The following PHF21B variants were observed in gnomAD, a reference collection of about 807,000 sequenced individuals.
PHF21B encodes the protein PHD finger protein 21B.
PHF21B carries 22 observed loss-of-function variants against 62.2 expected under a neutral mutation model. The observed-to-expected ratio is 0.35, with a 90% CI of 0.25 to 0.51. PHF21B has a LOEUF of 0.51. PHF21B is among the 20% of genes least tolerant of loss of function. PHF21B has a pLI of 0.97. For synonymous variants in PHF21B, 341 were observed against 314.7 expected (o/e 1.08, Z -0.88); for missense variants, 701 against 707.9 (o/e 0.99, Z 0.11).
At chr22:44,893,882 G>A (rs887969255) in intron 6 of PHF21B, among the ~76,000 whole-genome samples, 5 of 152,252 alleles carry the variant, frequency 3.3e-5, no homozygotes, top group African/African-American at 1.2e-4. Context: ...CAGGTTGGGT[G>A]ATACCCACTG....
chr22:44,935,820 A>G (rs190424328), intron 2 of PHF21B, among the ~76,000 whole-genome samples: 2 of 152,224 alleles, frequency 1.3e-5, no homozygotes, highest in African/African-American at 4.8e-5. Flanking sequence ...GAGCAGAGTT[A>G]GCGAGACTAG....
intron 2 of PHF21B, among the ~76,000 whole-genome samples, chr22:44,924,061 A>C: frequency 2.5e-5 from 1 of 39,232 alleles, no homozygotes; most frequent in African/African-American, 1.1e-4. Context: ...AGAGGGAGGG[A>C]GGGAGGGAGG....
At chr22:44,970,347 G>C (rs2072613865) in intron 2 of PHF21B, among the ~76,000 whole-genome samples, 1 of 152,188 alleles carries the variant, frequency 6.6e-6, no homozygotes, top group South Asian at 2.1e-4. Context: ...AGTTCATTCT[G>C]CAAAGCCACT....
At chr22:44,953,808 T>C (rs1210815707) in intron 2 of PHF21B, among the ~76,000 whole-genome samples, 2 of 152,286 alleles carry the variant, frequency 1.3e-5, no homozygotes, top group African/African-American at 2.4e-5. Context: ...CACTAAATAC[T>C]ATTTTAAGCA....
chr22:44,914,036 AG>A lies in PHF21B; in HGVS notation c.616del (p.Leu206SerfsTer78). The A allele has an allele frequency of 1.7e-6, 1 of 572,052 alleles. No homozygotes were observed. Among genetic ancestry groups the A allele is most frequent in the Middle Eastern group, 3.3e-4 (1 of 3,066 alleles). 35.4% of individuals were successfully genotyped at this position (572,052 alleles called of 1,614,324 possible). ...SPHPATHHCP[L>X]HPSSLPLTPP... ...GGTGAGGGGAAGAGAGGAGGGGTGG[AG>A]GGGACAGTGATGGGTTGCGGGGTGA... On this transcript the variant is annotated frameshift_variant, in exon 5 of 13. Coordinates refer to ENST00000313237, the MANE Select transcript of PHF21B (RefSeq NM_138415.5). LOFTEE classifies it high-confidence loss of function.
intron 2 of PHF21B, among the ~76,000 whole-genome samples, chr22:44,983,634 G>T (rs905190293): frequency 2.0e-5 from 3 of 152,138 alleles, no homozygotes; most frequent in African/African-American, 7.2e-5. Flanking sequence ...TATTTTAAAA[G>T]ACATAAGTTT....
At position 44,888,103 on chromosome 22, in the gene PHF21B, C is replaced by T; in HGVS notation, c.1057G>A (p.Glu353Lys). The T allele has an allele frequency of 6.5e-7, 1 of 1,535,136 alleles. No homozygotes were observed. Among genetic ancestry groups the T allele is most frequent in the Non-Finnish European group, 8.8e-7 (1 of 1,139,614 alleles). ...PCWKNEITHD[E>K]HCAACKRGAN... ...CCTCGCTTGCAGGCGGCACAGTGCT[C>T]ATCGTGGGTGATCTCGTTCTGGAAG... Residue 353 changes from glutamate (E) to lysine (K), a missense_variant, in exon 10 of 13, where the codon GAG becomes AAG. By Grantham distance (56) the Glu-to-Lys change is moderately conservative. Transcript: ENST00000313237.
chr22:44,901,775 G>A (rs566426209), intron 5 of PHF21B: 1 of 310,896 alleles, frequency 3.2e-6, no homozygotes, highest in Admixed American at 3.7e-5. Context: ...TTCCAGAAAG[G>A]CCGTGTACAA....
chr22:44,887,987 C>G lies in PHF21B; in HGVS notation c.1173G>C (p.Trp391Cys), dbSNP rs1487574053. 1 of 1,561,986 alleles carries G rather than the reference C, an allele frequency of 6.4e-7. No homozygotes were observed. Among genetic ancestry groups the G allele is most frequent in the Admixed American group, 1.9e-5 (1 of 53,048 alleles). ...PPLKTAPKGV[W>C]VCPRCQQKAL... ...CCTTCTGCTGGCACCTGGGGCACAC[C>G]CACACGCCCTTGGGCGCCGTCTTGA... Residue 391 changes from tryptophan (W) to cysteine (C), a missense_variant, in exon 10 of 13, where the codon TGG (tryptophan) becomes TGC (cysteine). Coordinates refer to ENST00000313237, the MANE Select transcript of PHF21B (RefSeq NM_138415.5).
chr22:44,997,570 T>C (rs75633236), intron 2 of PHF21B, among the ~76,000 whole-genome samples: 2 of 152,186 alleles, frequency 1.3e-5, no homozygotes, highest in African/African-American at 4.8e-5. Flanking sequence ...TATTGCTGAT[T>C]GTAGGAAATG....
chr22:44,943,807 C>T (rs1448101305), intron 2 of PHF21B, among the ~76,000 whole-genome samples: 4 of 152,044 alleles, frequency 2.6e-5, no homozygotes, highest in Non-Finnish European at 5.9e-5. Context: ...GCATCCAGCC[C>T]AGCGGCACCC....
chr22:44,982,524 C>T (rs895002536), intron 2 of PHF21B, among the ~76,000 whole-genome samples: 1 of 152,224 alleles, frequency 6.6e-6, no homozygotes, highest in Non-Finnish European at 1.5e-5. Flanking sequence ...CTCCCCACTC[C>T]TCCACAGGCC....
At chr22:44,994,822 C>T (rs1379268371) in intron 2 of PHF21B, among the ~76,000 whole-genome samples, 5 of 152,330 alleles carry the variant, frequency 3.3e-5, no homozygotes, top group South Asian at 2.1e-4. Flanking sequence ...TCCCCACTTC[C>T]GCAGTATCCA....
rs949691866 is a variant in PHF21B at position 44,882,810 on chromosome 22, C to A, written c.*276G>T. On this transcript the variant is annotated 3_prime_UTR_variant, in exon 13 of 13. Coordinates refer to ENST00000313237, the MANE Select transcript of PHF21B (RefSeq NM_138415.5). ...AGGGCCTGGAAGCCAGAGGCCCAGG[C>A]AGCCCCGAGGTGGCCGGGGGGAGAC... 122 of 393,454 alleles carry A rather than the reference C, an allele frequency of 3.1e-4. No individual in the cohort carries two copies. Among genetic ancestry groups the A allele is most frequent in the Non-Finnish European group, 5.0e-4 (109 of 218,356 alleles). 24.4% of individuals were successfully genotyped at this position (393,454 alleles called of 1,614,324 possible). A position where few individuals can be genotyped will look rare whatever the true frequency, so the allele number is the denominator to read the frequency against.
At position 44,893,518 on chromosome 22, in the gene PHF21B, C is replaced by T. The variant is rs755715084; in HGVS notation, c.899G>A (p.Arg300Gln). ...TGTGCTTCTTCTCTTCCGCTCCTGT[C>T]GCTTGCTCTGGATTTCTGGAAAGGC... ...TEHLEEIQSK[R>Q]QERKRRSTAN... is the part of the protein sequence containing the mutation. Residue 300 changes from arginine to glutamine, a missense_variant, in exon 7 of 13, where the codon CGA (arginine) becomes CAA (glutamine). Coordinates refer to ENST00000313237, the MANE Select transcript of PHF21B (RefSeq NM_138415.5). The T allele has an allele frequency of 3.1e-6, 5 of 1,602,698 alleles. No homozygotes were observed. Among genetic ancestry groups the T allele is most frequent in the South Asian group, 1.1e-5 (1 of 88,680 alleles).
At chr22:44,884,114 CATCACCATCATGATCACCATT>C (rs1188169827) in intron 12 of PHF21B, among the ~76,000 whole-genome samples, 6 of 131,336 alleles carry the variant, frequency 4.6e-5, no homozygotes, top group African/African-American at 7.5e-5. Flanking sequence ...TGATCAGCAC[CATCACCATCATGATCACCATT>C]ATCACCACCA....
chr22:44,895,974 C>T (rs942795436), intron 6 of PHF21B, 58 bp downstream of exon 6: 1 of 1,596,814 alleles, frequency 6.3e-7, no homozygotes, highest in South Asian at 1.1e-5. Context: ...TGGCCCCCAA[C>T]ACCCCGGCTT....
chr22:44,893,223 G>C (rs12160155), intron 7 of PHF21B, among the ~76,000 whole-genome samples: 8,465 of 152,304 alleles, frequency 0.056, 707 homozygotes, highest in African/African-American at 0.18. Context: ...CCACCAGAGA[G>C]CCTCTATTAG....
intron 2 of PHF21B, among the ~76,000 whole-genome samples, chr22:44,962,075 A>G (rs917946185): frequency 1.3e-5 from 2 of 152,082 alleles, no homozygotes; most frequent in African/African-American, 2.4e-5. Flanking sequence ...ATGTACACAC[A>G]AGTGCATGTG....
Sources: allele counts gnomAD v4.1 joint callset (sites outside exome capture counted in the v4.1 genomes callset), GRCh38; gene constraint gnomAD v4.1.1; transcripts MANE v1.5; gene names NCBI Gene and HGNC (gene_info 2026-07-23, HGNC 2026-07-21).